The following OTOA variants were observed in gnomAD, a reference collection of about 807,000 sequenced individuals.
OTOA encodes the protein otoancorin.
OTOA carries 70 observed loss-of-function variants against 110.8 expected under a neutral mutation model. The ratio of observed to expected loss-of-function variants is 0.63; its 90% CI spans 0.52 to 0.77. The LOEUF (loss-of-function observed/expected upper bound fraction) is 0.77, where lower values mean the gene tolerates loss of function less well. Ranked by LOEUF, OTOA falls within the 30% of genes least tolerant of loss-of-function variation. The pLI, the probability that OTOA is intolerant of heterozygous loss-of-function variation, is 0.00. For missense variants in OTOA, 917 were observed against 1,075.8 expected (o/e 0.85, Z 2.06); for synonymous variants, 373 against 431.5 (o/e 0.86, Z 1.68).
intron 28 of OTOA, among the ~76,000 whole-genome samples, chr16:21,759,686 G>C (rs1266398701): frequency 6.6e-6 from 1 of 151,986 alleles, no homozygotes; most frequent in African/African-American, 2.4e-5. Context: ...GGATCACTTG[G>C]GGTTAGAAAT....
At chr16:21,674,361 A>G (rs1399195278) in intron 1 of OTOA, among the ~76,000 whole-genome samples, 1 of 152,016 alleles carries the variant, frequency 6.6e-6, no homozygotes, top group Non-Finnish European at 1.5e-5. Flanking sequence ...CCCAGGCTGG[A>G]GTGCAGTGGT....
intron 20 of OTOA, 185 bp from the exon 21 acceptor site, chr16:21,730,652 C>T (rs1254230260): frequency 3.6e-6 from 2 of 556,340 alleles, no homozygotes; most frequent in Non-Finnish European, 6.8e-6. Flanking sequence ...ATCAAAACTC[C>T]CAGGGATGAC....
chr16:21,691,549 T>C, intron 8 of OTOA, 35 bp from the exon 9 acceptor site: 1 of 1,559,452 alleles, frequency 6.4e-7, no homozygotes, highest in Non-Finnish European at 8.8e-7. Flanking sequence ...CCCACCTGCT[T>C]GTTATTAGCT....
intron 11 of OTOA, among the ~76,000 whole-genome samples, chr16:21,702,158 C>A (rs1256767137): frequency 1.3e-5 from 2 of 152,044 alleles, no homozygotes; most frequent in Non-Finnish European, 2.9e-5. Flanking sequence ...CCATGTTGGC[C>A]AGGCTGGTCT....
At chr16:21,681,460 G>A (rs1966890670) in intron 5 of OTOA, among the ~76,000 whole-genome samples, 1 of 152,118 alleles carries the variant, frequency 6.6e-6, no homozygotes, top group Admixed American at 6.6e-5. Context: ...GCATGCACCT[G>A]TGATCCCAGC....
At chr16:21,721,515 A>G (rs8060224) in intron 17 of OTOA, 57,775 of 455,882 alleles carry the variant, frequency 0.13, 4,290 homozygotes, top group South Asian at 0.17. Context: ...GAAAATGTCA[A>G]TAATACTGAG....
chr16:21,721,583 G>A, intron 17 of OTOA: 2 of 433,518 alleles, frequency 4.6e-6, no homozygotes, highest in South Asian at 3.1e-5. Flanking sequence ...ACTTTTGAGA[G>A]TTTTCTTTTA....
At position 21,719,163 on chromosome 16, in the gene OTOA, A is replaced by G; in HGVS notation, c.1660A>G (p.Thr554Ala). 6.2e-7 allele frequency: 1 copy of G among 1,614,040 alleles called. No homozygotes were observed. Among genetic ancestry groups the G allele is most frequent in the Non-Finnish European group, 8.5e-7 (1 of 1,180,016 alleles). The change falls in exon 16 of 29, where the codon ACC becomes GCC. Residue 554 changes from threonine to alanine, a missense_variant. Physicochemically the swap from Thr to Ala is moderately conservative, Grantham distance 58 (BLOSUM62 0). Around this residue, in one of 6 missense-constraint regions of OTOA, gnomAD observed 840 missense variants for 910.2 expected, o/e 0.92. Coordinates refer to ENST00000646100, the MANE Select transcript of OTOA (RefSeq NM_144672.4). The stretch of plus-strand genomic sequence containing the variant: ...GTTCCTGTATGAGCTTCTGTTAAAG[A>G]CCACCAGAAGGCCTGAGGAGCTTTT... Reference protein sequence around the residue: ...ALFLYELLLKTTRRPEELLSA... With the variant: ...ALFLYELLLKATRRPEELLSA...
intron 15 of OTOA, 76 bp from the exon 16 acceptor site, chr16:21,719,057 C>T: frequency 1.4e-6 from 2 of 1,423,578 alleles, no homozygotes; most frequent in South Asian, 2.3e-5. Context: ...TGTGGAATGC[C>T]TTCCTGATAG....
At chr16:21,713,920 G>A (rs1291129004) in intron 13 of OTOA, among the ~76,000 whole-genome samples, 3 of 152,112 alleles carry the variant, frequency 2.0e-5, no homozygotes, top group Non-Finnish European at 2.9e-5. Context: ...TGAGGGAGAC[G>A]GTTTTGTTCC....
Position 21,715,066 on chromosome 16 carries a change from A to G in OTOA, c.1402A>G (p.Lys468Glu), listed in dbSNP as rs1156567813. The G allele has an allele frequency of 2.6e-5, 42 of 1,614,092 alleles. No individual in the cohort carries two copies. The highest frequency in any genetic ancestry group is 3.4e-5 in the Non-Finnish European group (40 of 1,180,026). ...CCAGGCCTTCTGCAGCATGAAACGC[A>G]AGGACATCTCGCAGGTCCTGAGAAG... ...STQAFCSMKR[K>E]DISQVLRSAV... Residue 468 changes from lysine (K) to glutamate (E), a missense_variant, in exon 14 of 29, where the codon AAG (lysine) becomes GAG (glutamate). Coordinates refer to ENST00000646100, the MANE Select transcript of OTOA (RefSeq NM_144672.4).
chr16:21,699,654 C>T (rs1406712149), intron 10 of OTOA, among the ~76,000 whole-genome samples: 1 of 152,054 alleles, frequency 6.6e-6, no homozygotes, highest in Non-Finnish European at 1.5e-5. Context: ...CGCAGTGGCT[C>T]ACGCCTCTAC....
At chr16:21,748,778 GTCAC>G (rs1324241261) in intron 24 of OTOA, 2 of 152,304 alleles carry the variant, frequency 1.3e-5, no homozygotes, top group African/African-American at 4.8e-5. Context: ...ACTTTTGTAA[GTCAC>G]TCACTCAGAT....
chr16:21,718,420 G>T (rs1898623116), intron 15 of OTOA, among the ~76,000 whole-genome samples: 1 of 152,164 alleles, frequency 6.6e-6, no homozygotes, highest in African/African-American at 2.4e-5. Flanking sequence ...GCCACAAACA[G>T]TGTCCAGAAC....
intron 8 of OTOA, among the ~76,000 whole-genome samples, chr16:21,689,831 G>T (rs1487966664): frequency 6.6e-6 from 1 of 152,004 alleles, no homozygotes; most frequent in African/African-American, 2.4e-5. Context: ...GATTACAGGT[G>T]CATGCCACCA....
intron 8 of OTOA, among the ~76,000 whole-genome samples, chr16:21,689,697 T>G (rs1897789585): frequency 6.6e-6 from 1 of 152,086 alleles, no homozygotes; most frequent in Non-Finnish European, 1.5e-5. Context: ...TAATTTTTTT[T>G]TTTTTGAGAC....
intron 28 of OTOA, among the ~76,000 whole-genome samples, chr16:21,757,807 G>A (rs1487246351): frequency 1.3e-5 from 2 of 151,920 alleles, no homozygotes; most frequent in African/African-American, 4.8e-5. Flanking sequence ...TAGTAGAGAT[G>A]GGGCTTCACC....
intron 13 of OTOA, among the ~76,000 whole-genome samples, chr16:21,713,649 C>T (rs144395456): frequency 2.2e-4 from 33 of 152,266 alleles, no homozygotes; most frequent in Non-Finnish European, 3.7e-4. Context: ...GTGAAAGTTA[C>T]GCAGCTGGGA....
At chr16:21,701,606 C>T (rs1898054191) in intron 11 of OTOA, among the ~76,000 whole-genome samples, 1 of 151,780 alleles carries the variant, frequency 6.6e-6, no homozygotes, top group Admixed American at 6.6e-5. Flanking sequence ...CTCAATACTC[C>T]CTCCTTTTCC....
Sources: gnomAD v4.1 joint callset for allele counts (sites outside exome capture counted in the v4.1 genomes callset) on GRCh38, gnomAD v4.1.1 for gene constraint, gnomAD v4.1.1 regional missense constraint, MANE v1.5 for transcripts, NCBI Gene and HGNC (gene_info 2026-07-23, HGNC 2026-07-21) for gene names.